The following PEX5 variants were observed in gnomAD, a reference collection of about 807,000 sequenced individuals.
PEX5 encodes the protein PTS1 receptor.
A neutral mutation model predicts 82.9 loss-of-function variants in PEX5; 52 were observed. The observed-to-expected ratio is 0.63, with a 90% CI of 0.50 to 0.79. PEX5 has a LOEUF of 0.79. PEX5 is among the 30% of genes least tolerant of loss of function. PEX5 has a pLI of 0.00. For missense variants in PEX5, 719 were observed against 815.2 expected, an observed-to-expected ratio of 0.88 and a Z score of 1.44; for synonymous variants, 300 against 318.8, an observed-to-expected ratio of 0.94 and a Z score of 0.63.
Position 7,209,110 on chromosome 12 carries a change from G to T in PEX5, c.1500G>T (p.Leu500=). 1 of 1,614,092 alleles carries T rather than the reference G, an allele frequency of 6.2e-7. No homozygotes were observed. The highest frequency in any genetic ancestry group is 8.5e-7 in the Non-Finnish European group (1 of 1,180,004). Reference sequence around the variant, plus strand: ...GTGGCTTGGGAGTCCTTTTCAACCTGAGTGGGGAGTATGACAAGGCCGTGG... The same window carrying T: ...GTGGCTTGGGAGTCCTTTTCAACCTTAGTGGGGAGTATGACAAGGCCGTGG... ...VQCGLGVLFN[L]SGEYDKAVDC... is the part of the protein sequence containing the mutation. Residue 500 remains leucine (L), a synonymous_variant, in exon 14 of 16, where the codon CTG becomes CTT. Transcript: ENST00000675855.
At chr12:7,194,567 TGAA>T (rs201453885) in intron 5 of PEX5, among the ~76,000 whole-genome samples, 2,180 of 152,336 alleles carry the variant, frequency 0.014, 37 homozygotes, top group African/African-American at 0.049. Context: ...TCTCACCACA[TGAA>T]GTTCATTTTT....
At chr12:7,194,099 T>G (rs184361394) in intron 5 of PEX5, among the ~76,000 whole-genome samples, 2 of 152,326 alleles carry the variant, frequency 1.3e-5, no homozygotes, top group Admixed American at 6.5e-5. Flanking sequence ...TTATTATCCT[T>G]CATTTTTAAT....
chr12:7,202,643 C>T lies in PEX5; in HGVS notation c.785C>T (p.Thr262Ile), dbSNP rs746370272. The change falls in exon 9 of 16, where the codon ACA becomes ATA. Residue 262 changes from threonine (T) to isoleucine (I), a missense_variant. Transcript: ENST00000675855. ...TCAGATGCCTGGGTTGACCAGTTCA[C>T]AAGACCAGTAAACACATCTGCCCTT... is the stretch of plus-strand genomic sequence containing the variant. Reference protein sequence around the residue: ...GTSDAWVDQFTRPVNTSALDM... With the variant: ...GTSDAWVDQFIRPVNTSALDM... The T allele has an allele frequency of 1.2e-6, 2 of 1,614,104 alleles. No individual in the cohort carries two copies. The highest frequency in any genetic ancestry group is 4.5e-5 in the East Asian group (2 of 44,892).
At chr12:7,193,394 C>T (rs1158141280) in intron 5 of PEX5, among the ~76,000 whole-genome samples, 2 of 151,952 alleles carry the variant, frequency 1.3e-5, no homozygotes, top group Admixed American at 6.6e-5. Flanking sequence ...CCACCATGCC[C>T]GGCTAATTTT....
chr12:7,213,966 GA>G (rs1945703521), downstream of PEX5, among the ~76,000 whole-genome samples: 1 of 134,918 alleles, frequency 7.4e-6, no homozygotes, highest in African/African-American at 2.5e-5. Flanking sequence ...AAAAACACAT[GA>G]AAAAATGCTC....
downstream of PEX5, among the ~76,000 whole-genome samples, chr12:7,215,349 A>T (rs1482364848): frequency 6.6e-6 from 1 of 152,172 alleles, no homozygotes; most frequent in East Asian, 1.9e-4. Context: ...AAATTTCTCA[A>T]AGAACTTAGA....
rs201244651 is a variant in PEX5, at chr12:7,207,661, G to C, written c.969G>C (p.Gly323=). 1.2e-6 allele frequency: 2 copies of C among 1,614,082 alleles called. No individual in the cohort carries two copies. Among genetic ancestry groups the C allele is most frequent in the African/African-American group, 2.7e-5 (2 of 75,010 alleles). ...TCTCTCACGTGCTTTTCTTGTAGGG[G>C]TACCAGTTTGAGGAGGAGAACCCCT... The part of the protein sequence containing the change: ...DDLTSATYDK[G]YQFEEENPLR... The change falls in exon 11 of 16, where the codon GGG becomes GGC. Residue 323 remains glycine, a splice_region_variant and synonymous_variant. Coordinates refer to ENST00000675855, the MANE Select transcript of PEX5 (RefSeq NM_001351132.2).
At chr12:7,208,788 G>GT in intron 13 of PEX5, 119 bp downstream of exon 13, 1 of 965,470 alleles carries the variant, frequency 1.0e-6, no homozygotes, top group Non-Finnish European at 1.7e-6. Flanking sequence ...AATGGGATGG[G>GT]AAACCTAGGA....
rs1390055134 is a variant in PEX5, at chr12:7,210,070, C to T, written c.1767C>T (p.Ser589=). Residue 589 remains serine (S), a synonymous_variant, in exon 16 of 16, where the codon AGC becomes AGT. Transcript: ENST00000675855. ...AGGCCCTGAACATGCAGAGGAAAAG[C>T]CGGGGCCCCCGGGGTGAAGGAGGTG... ...FLEALNMQRK[S]RGPRGEGGAM... is the part of the protein sequence containing the mutation. 8.1e-6 allele frequency: 13 copies of T among 1,614,128 alleles called. No homozygotes were observed. Among genetic ancestry groups the T allele is most frequent in the South Asian group, 2.2e-5 (2 of 91,088 alleles).
downstream of PEX5, among the ~76,000 whole-genome samples, chr12:7,212,472 A>G (rs1346949612): frequency 3.2e-4 from 11 of 34,812 alleles, no homozygotes; most frequent in African/African-American, 6.7e-4. Flanking sequence ...CAGAAAAAAA[A>G]AAAAAAAAAA....
rs144897942 is a variant in PEX5 at position 7,201,789 on chromosome 12, C to T, written c.590C>T (p.Thr197Met). 7.9e-5 allele frequency: 127 copies of T among 1,613,864 alleles called. No individual in the cohort carries two copies. The African/African-American group carries it at 9.9e-4, about 13-fold the overall frequency. The change falls in exon 7 of 16, where the codon ACG becomes ATG. Residue 197 changes from threonine (T) to methionine (M), a missense_variant. Transcript: ENST00000675855. ...EYHPEEDLQH[T>M]ASDFVAKVDD... ...CATCCTGAGGAGGATCTGCAGCACA[C>T]GGCCAGTGACTTTGTGGCCAAAGTG...
rs977072430 is a variant in PEX5, at chr12:7,201,160, T to C, written c.552-591T>C. Among the ~76,000 whole-genome samples, 148 of 47,662 alleles carry C rather than the reference T, an allele frequency of 3.1e-3. 1 individual carries two copies. Among genetic ancestry groups the C allele is most frequent in the South Asian group, 0.026 (30 of 1,148 alleles). The allele number at this position is 47,662 out of a possible 152,430, so 31.3% of individuals were successfully genotyped here. ...GCACACACACACACGCACACACATA[T>C]ATACACACATACACATATGTACACA... On this transcript the variant is annotated intron_variant, in intron 6 of 15. Coordinates refer to ENST00000675855, the MANE Select transcript of PEX5 (RefSeq NM_001351132.2).
At chr12:7,202,495 T>C (rs1944217405) in intron 8 of PEX5, 117 bp from the exon 9 acceptor site, 1 of 1,399,122 alleles carries the variant, frequency 7.1e-7, no homozygotes, top group African/African-American at 1.4e-5. Context: ...GGGAAAGAGA[T>C]TCTGAGAATG....
intron 5 of PEX5, among the ~76,000 whole-genome samples, chr12:7,196,818 TTA>T (rs750927547): frequency 0.011 from 37 of 3,468 alleles, 6 homozygotes; most frequent in African/African-American, 0.022. Flanking sequence ...AATGTAATAA[TTA>T]TATATGTCAC....
chr12:7,190,410 C>T lies in PEX5; in HGVS notation c.33C>T (p.Cys11=), dbSNP rs780419906. 6.2e-7 allele frequency: 1 copy of T among 1,614,194 alleles called. No homozygotes were observed. Among genetic ancestry groups the T allele is most frequent in the Non-Finnish European group, 8.5e-7 (1 of 1,180,034 alleles). ...TGCGGGAGCTGGTGGAGGCCGAATG[C>T]GGGGGTGCCAACCCGCTCATGAAGC... MAMRELVEAE[C]GGANPLMKLA... Residue 11 remains cysteine, a synonymous_variant, in exon 2 of 16, where the codon TGC becomes TGT. Coordinates refer to ENST00000675855, the MANE Select transcript of PEX5 (RefSeq NM_001351132.2).
chr12:7,200,854 C>T lies in PEX5; in HGVS notation c.552-897C>T, dbSNP rs759790733. ...AGATGGCAGCAGTACAGTCCAGCTT[C>T]GGCTCGGCATCAGAGGGAGACCGTG... On this transcript the variant is annotated intron_variant, in intron 6 of 15. Transcript: ENST00000675855. Among the ~76,000 whole-genome samples the T allele has an allele frequency of 1.4e-4, 21 of 151,960 alleles. 1 individual carries two copies. Among genetic ancestry groups the T allele is most frequent in the African/African-American group, 2.9e-4 (12 of 41,474 alleles).
chr12:7,210,909 G>T lies in PEX5; in HGVS notation c.*686G>T. On this transcript the variant is annotated 3_prime_UTR_variant, in exon 16 of 16. Coordinates refer to ENST00000675855, the MANE Select transcript of PEX5 (RefSeq NM_001351132.2). ...GAGTGTCTGGGTGTGTGGCATAGGA[G>T]GAAGGTTTGCTTGTGAAATGAGGCT... 6.1e-6 allele frequency: 1 copy of T among 163,182 alleles called. No individual in the cohort carries two copies. The highest frequency in any genetic ancestry group is 5.6e-5 in the Admixed American group (1 of 17,874). The allele number at this position is 163,182 out of a possible 1,614,324, so 10.1% of individuals were successfully genotyped here.
downstream of PEX5, among the ~76,000 whole-genome samples, chr12:7,214,897 C>A (rs11044816): frequency 3.3e-5 from 5 of 151,982 alleles, no homozygotes; most frequent in East Asian, 9.7e-4. Flanking sequence ...GTCAAAAGTT[C>A]TAAATTCATC....
chr12:7,189,595 G>C (rs1340062788), upstream of PEX5: 2 of 267,128 alleles, frequency 7.5e-6, no homozygotes, highest in Non-Finnish European at 1.4e-5. Flanking sequence ...TTAAGGCCCC[G>C]CCTTTTCAGA....
Sources: allele counts gnomAD v4.1 joint callset (sites outside exome capture counted in the v4.1 genomes callset), GRCh38; gene constraint gnomAD v4.1.1; transcripts MANE v1.5; gene names NCBI Gene and HGNC (gene_info 2026-07-23, HGNC 2026-07-21).